Variants in CLMP observed in about 807,000 individuals in gnomAD.
CLMP encodes the protein CXADR like cell adhesion molecule.
In CLMP, 27 loss-of-function variants were observed where a neutral mutation model predicts 45.2. That is an observed-to-expected ratio of 0.60 (90% CI 0.44 to 0.82). The LOEUF is 0.82. Among genes scored for constraint, CLMP ranks in the 40% least tolerant of loss-of-function variants. The pLI, the probability that CLMP is intolerant of heterozygous loss-of-function variation, is 0.00. For missense variants in CLMP, 403 were observed against 448.4 expected (o/e 0.90, Z 0.91); for synonymous variants, 167 against 171.4 (o/e 0.97, Z 0.20).
chr11:123,187,104 A>G (rs956268775), intron 1 of CLMP, among the ~76,000 whole-genome samples: 2 of 152,210 alleles, frequency 1.3e-5, no homozygotes, highest in African/African-American at 4.8e-5. Flanking sequence ...TTCACAAAAA[A>G]ACCTCTATGA....
Position 123,180,574 on chromosome 11 carries a change from C to T in CLMP, c.28+14339G>A, listed in dbSNP as rs182839118. Among the ~76,000 whole-genome samples, 444 of 140,048 alleles carry T rather than the reference C, an allele frequency of 3.2e-3. 1 individual carries two copies. The highest frequency in any genetic ancestry group is 4.0e-3 in the Non-Finnish European group (263 of 65,146). The allele number at this position is 140,048 out of a possible 152,430, so 91.9% of individuals were successfully genotyped here. On this transcript the variant is annotated intron_variant, in intron 1 of 6. Transcript: ENST00000448775. ...ACAGTAATTTGTTAAGCAGCCTGAA[C>T]AGACAAAAACAGAAATGCATAGGAG...
At chr11:123,144,292 A>G (rs1420510957) in intron 1 of CLMP, among the ~76,000 whole-genome samples, 1 of 152,248 alleles carries the variant, frequency 6.6e-6, no homozygotes, top group Non-Finnish European at 1.5e-5. Context: ...TGTAATCTGC[A>G]ATGCATTGTA....
At chr11:123,108,502 C>T (rs930089085) in intron 1 of CLMP, among the ~76,000 whole-genome samples, 2 of 152,062 alleles carry the variant, frequency 1.3e-5, no homozygotes, top group African/African-American at 4.8e-5. Flanking sequence ...GAGCTTTGGG[C>T]TTCAGTCAGG....
At chr11:123,177,304 A>C (rs1861711647) in intron 1 of CLMP, among the ~76,000 whole-genome samples, 1 of 152,090 alleles carries the variant, frequency 6.6e-6, no homozygotes, top group African/African-American at 2.4e-5. Flanking sequence ...AAAATGAGGC[A>C]ATAGGAAGCA....
intron 1 of CLMP, among the ~76,000 whole-genome samples, chr11:123,189,949 T>C: frequency 7.0e-6 from 1 of 143,866 alleles, no homozygotes; most frequent in African/African-American, 2.7e-5. Flanking sequence ...TTGCAGTGAG[T>C]GGAGACTGTG....
chr11:123,160,959 CAG>C (rs1488676422), intron 1 of CLMP, among the ~76,000 whole-genome samples: 1 of 144,970 alleles, frequency 6.9e-6, no homozygotes, highest in African/African-American at 2.6e-5. Context: ...GCCTGGGTGA[CAG>C]AGTGAGACCC....
At chr11:123,083,292 G>T (rs1865826488) in intron 4 of CLMP, 85 bp from the exon 5 acceptor site, 2 of 1,261,884 alleles carry the variant, frequency 1.6e-6, no homozygotes, top group Non-Finnish European at 2.2e-6. Context: ...ACTGAGCTGA[G>T]ATTCCGTAAT....
Position 123,089,791 on chromosome 11 carries a change from A to G in CLMP, c.187-5078T>C, listed in dbSNP as rs1591453114. Among the ~76,000 whole-genome samples, 6 of 136,052 alleles carry G rather than the reference A, an allele frequency of 4.4e-5. No homozygotes were observed. The South Asian group carries it at 9.0e-4, about 20-fold the overall frequency. 89.3% of individuals were successfully genotyped at this position (136,052 alleles called of 152,430 possible). A position where few individuals can be genotyped will look rare whatever the true frequency, so the allele number is the denominator to read the frequency against. Reference sequence around the variant, plus strand: ...GTCTCCATCTCAAAAAAAAAAAAAAAAAGAAAAAGAAAAAGAAACAAAACA... The same window carrying G: ...GTCTCCATCTCAAAAAAAAAAAAAAGAAGAAAAAGAAAAAGAAACAAAACA... On this transcript the variant is annotated intron_variant, in intron 2 of 6. Transcript: ENST00000448775.
chr11:123,123,419 T>G (rs1404429999), intron 1 of CLMP, among the ~76,000 whole-genome samples: 1 of 151,864 alleles, frequency 6.6e-6, no homozygotes, highest in East Asian at 1.9e-4. Flanking sequence ...GCCACCACAC[T>G]GGCTAATTTT....
intron 1 of CLMP, among the ~76,000 whole-genome samples, chr11:123,150,532 G>GGAAGGAAGGAAGGC (rs766986302): frequency 1.8e-5 from 2 of 111,130 alleles, no homozygotes. Context: ...AGGAAGGAAA[G>GGAAGGAAGGAAGGC]AAACAAGCAA....
intron 1 of CLMP, among the ~76,000 whole-genome samples, chr11:123,182,200 A>G (rs1861778537): frequency 1.3e-5 from 2 of 152,212 alleles, no homozygotes; most frequent in South Asian, 4.1e-4. Flanking sequence ...AAGACCGAAC[A>G]ACTGCTCTGA....
chr11:123,179,171 C>A (rs553515318), intron 1 of CLMP, among the ~76,000 whole-genome samples: 1 of 152,234 alleles, frequency 6.6e-6, no homozygotes, highest in African/African-American at 2.4e-5. Context: ...ATATTTGTTA[C>A]CTCGGTTGGT....
chr11:123,148,477 T>C (rs1486790007), intron 1 of CLMP, among the ~76,000 whole-genome samples: 1 of 152,226 alleles, frequency 6.6e-6, no homozygotes, highest in South Asian at 2.1e-4. Context: ...AGGAATAGCC[T>C]AAATTTACAT....
intron 1 of CLMP, among the ~76,000 whole-genome samples, chr11:123,118,803 A>C (rs943413060): frequency 1.3e-5 from 2 of 152,042 alleles, no homozygotes; most frequent in African/African-American, 4.8e-5. Flanking sequence ...CAAATGACTC[A>C]AATGGCTGCC....
chr11:123,074,953 T>G lies in CLMP; in HGVS notation c.680-110A>C, dbSNP rs145895241. ...CAGAATGAGTATTTGCAGGTTTGTTTGTTTTGTTTTTTTTTTTTTGAGACG... is the reference window on the plus strand; with the variant it reads ...CAGAATGAGTATTTGCAGGTTTGTTGGTTTTGTTTTTTTTTTTTTGAGACG... On this transcript the variant is annotated intron_variant, in intron 5 of 6. Transcript: ENST00000448775. The G allele has an allele frequency of 2.8e-5, 37 of 1,316,830 alleles. No individual in the cohort carries two copies. The East Asian group carries it at 8.6e-4, about 31-fold the overall frequency. The allele number at this position is 1,316,830 out of a possible 1,614,324, so 81.6% of individuals were successfully genotyped here. A position where few individuals can be genotyped will look rare whatever the true frequency, so the allele number is the denominator to read the frequency against.
Position 123,073,430 on chromosome 11 carries a change from G to T in CLMP, c.*44C>A. 6.4e-7 allele frequency: 1 copy of T among 1,553,772 alleles called. No homozygotes were observed. The highest frequency in any genetic ancestry group is 1.9e-5 in the Admixed American group (1 of 51,786). ...GCTCCAATGACGAGAAGAGTCCAAA[G>T]ACCCTGACTCCTAGGAAAGCGTGGG... On this transcript the variant is annotated 3_prime_UTR_variant, in exon 7 of 7. Transcript: ENST00000448775.
intron 6 of CLMP, among the ~76,000 whole-genome samples, chr11:123,074,173 C>CTTTTTT (rs113482011): frequency 3.9e-4 from 51 of 130,644 alleles, no homozygotes; most frequent in East Asian, 1.8e-3. Context: ...TATGTACATA[C>CTTTTTT]TTTTTTTTTT....
intron 1 of CLMP, among the ~76,000 whole-genome samples, chr11:123,147,515 T>G (rs1861255241): frequency 6.6e-6 from 1 of 152,156 alleles, no homozygotes; most frequent in African/African-American, 2.4e-5. Context: ...TGGGCTGAAG[T>G]GATCCTCCTG....
intron 1 of CLMP, among the ~76,000 whole-genome samples, chr11:123,125,276 C>T (rs1860872331): frequency 1.3e-5 from 2 of 152,110 alleles, no homozygotes; most frequent in African/African-American, 2.4e-5. Context: ...CTCCAAGGTC[C>T]GCATGTACAC....
Sources: allele counts gnomAD v4.1 joint callset (sites outside exome capture counted in the v4.1 genomes callset), GRCh38; gene constraint gnomAD v4.1.1; transcripts MANE v1.5; gene names NCBI Gene and HGNC (gene_info 2026-07-23, HGNC 2026-07-21).